Variants in TBXA2R observed in about 807,000 individuals in gnomAD.
TBXA2R encodes the protein prostanoid TP receptor.
Under a neutral mutation model 15.6 loss-of-function variants are expected in TBXA2R, and 15 were observed. The observed-to-expected ratio is 0.96, with a 90% CI of 0.64 to 1.48. The LOEUF is 1.48. Ranked by LOEUF, TBXA2R falls within the 40% of genes most tolerant of loss-of-function variation. The pLI, the probability that TBXA2R is intolerant of heterozygous loss-of-function variation, is 0.00. For synonymous variants in TBXA2R, 280 were observed against 241.2 expected, an observed-to-expected ratio of 1.16 and a Z score of -1.49; for missense variants, 506 against 491.4, an observed-to-expected ratio of 1.03 and a Z score of -0.28.
rs1002481239 is a variant in TBXA2R at position 3,595,835 on chromosome 19, G to A, written c.885C>T (p.Arg295=). The A allele has an allele frequency of 1.2e-6, 2 of 1,611,764 alleles. No homozygotes were observed. Among genetic ancestry groups the A allele is most frequent in the South Asian group, 1.1e-5 (1 of 90,646 alleles). Residue 295 remains arginine (R), a synonymous_variant, in exon 3 of 3, where the codon CGC becomes CGT. Transcript: ENST00000375190. The part of the protein sequence containing the change: ...TTEKELLIYL[R]VATWNQILDP... Reference sequence around the variant, plus strand: ...CCAGGATCTGGTTCCAGGTGGCCACGCGCAAGTAGATGAGCAGCTCCTTCT... The same window carrying A: ...CCAGGATCTGGTTCCAGGTGGCCACACGCAAGTAGATGAGCAGCTCCTTCT...
At chr19:3,598,634 GA>G (rs1357787847) in intron 2 of TBXA2R, among the ~76,000 whole-genome samples, 2 of 150,940 alleles carry the variant, frequency 1.3e-5, no homozygotes, top group East Asian at 3.9e-4. Flanking sequence ...TTACAGACAT[GA>G]GCCACCGTGG....
chr19:3,595,672 G>A lies in TBXA2R; in HGVS notation c.*16C>T. 1 of 1,565,784 alleles carries A rather than the reference G, an allele frequency of 6.4e-7. No homozygotes were observed. The highest frequency in any genetic ancestry group is 8.7e-7 in the Non-Finnish European group (1 of 1,154,400). On this transcript the variant is annotated 3_prime_UTR_variant, in exon 3 of 3. Transcript: ENST00000375190. ...GGCTCCGCGGAAAGGCGCGGGAGGG[G>A]CGCTCTGTCCACTTCCTACTGCAGC...
In TBXA2R at chr19:3,595,550, G is replaced by C. The variant is rs1324395135; in HGVS notation, c.*138C>G. On this transcript the variant is annotated 3_prime_UTR_variant, in exon 3 of 3. Coordinates refer to ENST00000375190, the MANE Select transcript of TBXA2R (RefSeq NM_001060.6). ...TTGGGGGTCCCCGGGTTGGATTGGGGTCAACCCAAAACCCTGCTGCTGATG... is the reference window on the plus strand; with the variant it reads ...TTGGGGGTCCCCGGGTTGGATTGGGCTCAACCCAAAACCCTGCTGCTGATG... 6.9e-7 allele frequency: 1 copy of C among 1,439,558 alleles called. No homozygotes were observed. Among genetic ancestry groups the C allele is most frequent in the African/African-American group, 1.4e-5 (1 of 69,836 alleles). 89.2% of individuals were successfully genotyped at this position (1,439,558 alleles called of 1,614,324 possible). A position where few individuals can be genotyped will look rare whatever the true frequency, so the allele number is the denominator to read the frequency against.
rs764234244 is a variant in TBXA2R at position 3,600,014 on chromosome 19, C to T, written c.621G>A (p.Ser207=). The change falls in exon 2 of 3, where the codon TCG becomes TCA. Residue 207 remains serine, a synonymous_variant. Coordinates refer to ENST00000375190, the MANE Select transcript of TBXA2R (RefSeq NM_001060.6). ...TGTTCAGCAGGAAGGACAGCCCGAC[C>T]GAGAGGCCGCCCAGCATGGAGAAGA... The part of the protein sequence containing the change: ...GLLFSMLGGL[S]VGLSFLLNTV... 6.8e-6 allele frequency: 11 copies of T among 1,611,504 alleles called. No homozygotes were observed. The highest frequency in any genetic ancestry group is 3.3e-4 in the Middle Eastern group (2 of 6,070).
At chr19:3,597,714 C>T (rs1289326066) in intron 2 of TBXA2R, among the ~76,000 whole-genome samples, 1 of 151,946 alleles carries the variant, frequency 6.6e-6, no homozygotes, top group African/African-American at 2.4e-5. Flanking sequence ...GGGCAGATCA[C>T]GAGGTCAGGA....
Position 3,599,858 on chromosome 19 carries a change from C to T in TBXA2R, c.777G>A (p.Leu259=). ...CAGAGCCCCTACTCACCAGAAGGGG[C>T]AGCCAACACACGCTGGCCACCACCA... ...GIMVVASVCW[L]PLLVFIAQTV... Residue 259 remains leucine, a synonymous_variant, in exon 2 of 3, where the codon CTG becomes CTA. Coordinates refer to ENST00000375190, the MANE Select transcript of TBXA2R (RefSeq NM_001060.6). The T allele has an allele frequency of 1.9e-6, 3 of 1,549,100 alleles. No individual in the cohort carries two copies. The highest frequency in any genetic ancestry group is 2.6e-6 in the Non-Finnish European group (3 of 1,146,966).
chr19:3,601,039 C>A (rs1284166487), intron 1 of TBXA2R, among the ~76,000 whole-genome samples: 1 of 151,412 alleles, frequency 6.6e-6, no homozygotes, highest in Non-Finnish European at 1.5e-5. Flanking sequence ...CAGGCGTGAG[C>A]CACCGTGCCC....
rs1432098926 is a variant in TBXA2R at position 3,596,739 on chromosome 19, A to T, written c.787-806T>A. Among the ~76,000 whole-genome samples the T allele has an allele frequency of 4.0e-4, 59 of 148,726 alleles. 2 individuals are homozygous for T. The highest frequency in any genetic ancestry group is 3.5e-3 in the Admixed American group (52 of 14,898). On this transcript the variant is annotated intron_variant, in intron 2 of 2. Transcript: ENST00000375190. ...TGGGACTACAGGCGCCCACCACCAC[A>T]TCCGGCTAATTTTTTGTATTTTTAG...
At position 3,600,504 on chromosome 19, in the gene TBXA2R, A is replaced by T. The variant is rs199563155; in HGVS notation, c.131T>A (p.Leu44Gln). Residue 44 changes from leucine to glutamine, a missense_variant, in exon 2 of 3, where the codon CTG (leucine) becomes CAG (glutamine). By Grantham distance (113) the Leu-to-Gln change is moderately radical. Transcript: ENST00000375190. ...FCVVGLASNL[L>Q]ALSVLAGARQ... is the part of the protein sequence containing the mutation. ...CGCGCCCGCCAGCACGCTCAGGGCC[A>T]GCAGGTTGGAGGCCAGGCCCACCAC... is the stretch of plus-strand genomic sequence containing the variant. 2.5e-6 allele frequency: 4 copies of T among 1,612,762 alleles called. No individual in the cohort carries two copies. The highest frequency in any genetic ancestry group is 2.5e-6 in the Non-Finnish European group (3 of 1,179,552).
chr19:3,604,683 G>A (rs182704966), intron 1 of TBXA2R, among the ~76,000 whole-genome samples: 1 of 152,108 alleles, frequency 6.6e-6, no homozygotes, highest in Non-Finnish European at 1.5e-5. Context: ...CAGTTTCCCC[G>A]CTCTGTGCAA....
At chr19:3,597,657 G>A (rs1489448620) in intron 2 of TBXA2R, among the ~76,000 whole-genome samples, 1 of 151,808 alleles carries the variant, frequency 6.6e-6, no homozygotes, top group African/African-American at 2.4e-5. Context: ...ATTTGGCCGG[G>A]TGCGGTGGCT....
intron 2 of TBXA2R, among the ~76,000 whole-genome samples, chr19:3,599,579 C>T (rs1315890509): frequency 2.0e-5 from 3 of 152,206 alleles, no homozygotes; most frequent in Admixed American, 6.5e-5. Context: ...ATCCGCCCGC[C>T]TCGGCCTCCC....
chr19:3,594,966 G>A lies in TBXA2R; in HGVS notation c.*722C>T. The A allele has an allele frequency of 6.5e-7, 1 of 1,534,292 alleles. No individual in the cohort carries two copies. The highest frequency in any genetic ancestry group is 8.7e-7 in the Non-Finnish European group (1 of 1,145,626). ...GCAGTGGCTTACGCCTGTAATCCCA[G>A]CTGCTCGGGAGGCTGAGGCACGAGA... On this transcript the variant is annotated 3_prime_UTR_variant, in exon 3 of 3. Transcript: ENST00000375190.
chr19:3,603,921 G>A (rs897068856), intron 1 of TBXA2R, among the ~76,000 whole-genome samples: 4 of 152,186 alleles, frequency 2.6e-5, no homozygotes, highest in Non-Finnish European at 5.9e-5. Flanking sequence ...GGGCCCCCAC[G>A]CGGTGGGGCA....
In TBXA2R at chr19:3,594,887, C is replaced by T. The variant is rs1235052627; in HGVS notation, c.*801G>A. 6 of 1,536,946 alleles carry T rather than the reference C, an allele frequency of 3.9e-6. No homozygotes were observed. The highest frequency in any genetic ancestry group is 4.4e-6 in the Non-Finnish European group (5 of 1,146,864). ...CTGTTGGAGGTTCAAAAGGAAGCAA[C>T]TGTACCCCAGCAAGTAGGTCAAATT... On this transcript the variant is annotated 3_prime_UTR_variant, in exon 3 of 3. Transcript: ENST00000375190.
intron 1 of TBXA2R, among the ~76,000 whole-genome samples, chr19:3,603,930 C>G (rs3786990): frequency 0.54 from 81,901 of 151,860 alleles, 22,748 homozygotes; most frequent in African/African-American, 0.58. Context: ...CGCGGTGGGG[C>G]AGTAGAGCAG....
Position 3,596,726 on chromosome 19 carries a change from C to T in TBXA2R, c.787-793G>A, listed in dbSNP as rs192691860. Among the ~76,000 whole-genome samples the T allele has an allele frequency of 9.1e-3, 1,372 of 150,050 alleles. 19 individuals are homozygous for T. The highest frequency in any genetic ancestry group is 0.032 in the African/African-American group (1,288 of 40,706). ...CCTCCCGAGTAGCTGGGACTACAGG[C>T]GCCCACCACCACATCCGGCTAATTT... On this transcript the variant is annotated intron_variant, in intron 2 of 2. Coordinates refer to ENST00000375190, the MANE Select transcript of TBXA2R (RefSeq NM_001060.6).
At chr19:3,597,592 C>T (rs1195119093) in intron 2 of TBXA2R, among the ~76,000 whole-genome samples, 1 of 151,904 alleles carries the variant, frequency 6.6e-6, no homozygotes, top group African/African-American at 2.4e-5. Flanking sequence ...AATTGTGCCA[C>T]TGCACTCCAG....
intron 1 of TBXA2R, among the ~76,000 whole-genome samples, chr19:3,606,084 TCA>T (rs2032829511): frequency 6.6e-6 from 1 of 150,518 alleles, no homozygotes; most frequent in African/African-American, 2.4e-5. Context: ...AAACACACGG[TCA>T]CACACACAAA....
Sources: gnomAD v4.1 joint callset for allele counts (sites outside exome capture counted in the v4.1 genomes callset) on GRCh38, gnomAD v4.1.1 for gene constraint, MANE v1.5 for transcripts, NCBI Gene and HGNC (gene_info 2026-07-23, HGNC 2026-07-21) for gene names.